The following DAB1 variants were observed in gnomAD, a reference collection of about 807,000 sequenced individuals.
DAB1 encodes disabled homolog 1.
A neutral mutation model predicts 64.6 loss-of-function variants in DAB1; 15 were observed. The ratio of observed to expected loss-of-function variants is 0.23; its 90% confidence interval spans 0.16 to 0.36. DAB1 has a LOEUF of 0.36. Ranked by LOEUF, DAB1 falls within the 10% of genes least tolerant of loss-of-function variation. The probability of loss-of-function intolerance (pLI) is 1.00; values close to 1 mark genes in which losing one functional copy is unlikely to be tolerated. For missense variants in DAB1, 596 were observed against 706.7 expected (o/e 0.84, Z 1.78); for synonymous variants, 235 against 251.9 (o/e 0.93, Z 0.64).
chr1:57,943,117 G>T (rs950455680), intron 5 of DAB1, among the ~76,000 whole-genome samples: 1 of 152,056 alleles, frequency 6.6e-6, no homozygotes, highest in African/African-American at 2.4e-5. Flanking sequence ...CTAATAAAAG[G>T]CTCATTAGGG....
In DAB1 at chr1:57,150,141, T is replaced by A. The variant is rs566304564; in HGVS notation, c.68-4712A>T. Reference sequence around the variant, plus strand: ...TTGTATAATCGTTGGTAAGTTCCTTTACATGTCTGCCACAGTGTCCTAAGC... The same window carrying A: ...TTGTATAATCGTTGGTAAGTTCCTTAACATGTCTGCCACAGTGTCCTAAGC... On this transcript the variant is annotated intron_variant, in intron 2 of 14. Transcript: ENST00000371236. 7.9e-5 allele frequency among the ~76,000 whole-genome samples: 12 copies of A among 152,284 alleles called. No individual in the cohort carries two copies. In the South Asian group the frequency reaches 2.5e-3, roughly 32 times the overall value.
At chr1:57,008,794 G>T (rs1368673119) in intron 14 of DAB1, among the ~76,000 whole-genome samples, 1 of 152,114 alleles carries the variant, frequency 6.6e-6, no homozygotes, top group African/African-American at 2.4e-5. Flanking sequence ...GAGAATATAA[G>T]CCCCTTCTAG....
chr1:57,781,494 T>C (rs1650095942), intron 6 of DAB1, among the ~76,000 whole-genome samples: 1 of 151,994 alleles, frequency 6.6e-6, no homozygotes, highest in Non-Finnish European at 1.5e-5. Context: ...CTTTACCTAC[T>C]TAATCTCTTA....
At chr1:57,469,681 A>G (rs1687074534) in intron 7 of DAB1, among the ~76,000 whole-genome samples, 1 of 152,128 alleles carries the variant, frequency 6.6e-6, no homozygotes, top group Admixed American at 6.6e-5. Context: ...CATTTGAACC[A>G]CCTAGATTGA....
intron 7 of DAB1, among the ~76,000 whole-genome samples, chr1:57,564,016 A>G (rs1430592127): frequency 6.6e-6 from 1 of 152,198 alleles, no homozygotes; most frequent in Non-Finnish European, 1.5e-5. Context: ...ACCCCTGAGT[A>G]GCCAAACTGG....
Position 58,105,151 on chromosome 1 carries a change from A to C in DAB1, n.387+45360T>G, listed in dbSNP as rs907341798. ...ACTCCCATGTGAGATCAAGCCCTGC[A>C]AAAGATGGCTGCTGAAGAAGGCAGA... On this transcript the variant is annotated intron_variant and non_coding_transcript_variant, in intron 5 of 20. Transcript: ENST00000485760. Among the ~76,000 whole-genome samples, 6 of 152,374 alleles carry C rather than the reference A, an allele frequency of 3.9e-5. No individual in the cohort carries two copies. In the East Asian group the frequency reaches 9.6e-4, roughly 24 times the overall value.
intron 6 of DAB1, among the ~76,000 whole-genome samples, chr1:57,731,859 C>G (rs1647442613): frequency 6.6e-6 from 1 of 151,974 alleles, no homozygotes; most frequent in South Asian, 2.1e-4. Flanking sequence ...ACACTCCTTA[C>G]AGTTTCTTTC....
At chr1:58,043,670 A>T (rs765437140) in intron 5 of DAB1, among the ~76,000 whole-genome samples, 1 of 152,210 alleles carries the variant, frequency 6.6e-6, no homozygotes, top group African/African-American at 2.4e-5. Context: ...ATAAAATGAG[A>T]TCACTATTGT....
chr1:57,886,528 C>A (rs1271398087), upstream of DAB1, among the ~76,000 whole-genome samples: 2 of 152,192 alleles, frequency 1.3e-5, no homozygotes, highest in Non-Finnish European at 2.9e-5. Context: ...GTACCAGGCA[C>A]TGTTCTAAGC....
At chr1:58,327,723 G>A (rs1662867333) in intron 4 of DAB1, among the ~76,000 whole-genome samples, 1 of 152,152 alleles carries the variant, frequency 6.6e-6, no homozygotes, top group Non-Finnish European at 1.5e-5. Context: ...AGGATTGGGA[G>A]GCTGAGGCAA....
chr1:58,217,102 A>T (rs970660107), intron 4 of DAB1, among the ~76,000 whole-genome samples: 4 of 152,248 alleles, frequency 2.6e-5, no homozygotes, highest in Admixed American at 1.3e-4. Context: ...AATAATTAGT[A>T]TAAGCATCTT....
intron 9 of DAB1, among the ~76,000 whole-genome samples, chr1:57,059,082 G>A (rs929364340): frequency 6.6e-6 from 1 of 152,186 alleles, no homozygotes; most frequent in Non-Finnish European, 1.5e-5. Flanking sequence ...CCAATCCCTG[G>A]CTCAGTGAGG....
chr1:57,405,169 T>C (rs1234038093), intron 1 of DAB1, among the ~76,000 whole-genome samples: 3 of 152,130 alleles, frequency 2.0e-5, no homozygotes, highest in African/African-American at 7.2e-5. Context: ...GCTATAGACT[T>C]AGACAGATAC....
intron 6 of DAB1, among the ~76,000 whole-genome samples, chr1:57,685,604 T>A (rs1297443233): frequency 6.6e-6 from 1 of 152,118 alleles, no homozygotes; most frequent in Non-Finnish European, 1.5e-5. Flanking sequence ...CCAAAGAATA[T>A]ACATTCTTCT....
intron 5 of DAB1, among the ~76,000 whole-genome samples, chr1:58,080,906 A>C (rs1335980622): frequency 6.6e-6 from 1 of 152,252 alleles, no homozygotes; most frequent in Non-Finnish European, 1.5e-5. Flanking sequence ...CATTATCTGC[A>C]GTCCTGCTTA....
At chr1:57,134,075 T>G (rs1266126227) in intron 4 of DAB1, among the ~76,000 whole-genome samples, 1 of 152,188 alleles carries the variant, frequency 6.6e-6, no homozygotes, top group Non-Finnish European at 1.5e-5. Flanking sequence ...TTGACTTTCT[T>G]CAACAATATC....
intron 4 of DAB1, among the ~76,000 whole-genome samples, chr1:57,120,968 C>T (rs1303119791): frequency 6.6e-6 from 1 of 151,970 alleles, no homozygotes; most frequent in Middle Eastern, 3.2e-3. Flanking sequence ...GTTTGTCAAT[C>T]AGGGAAGAAT....
chr1:57,326,263 A>G lies in DAB1; in HGVS notation c.-136-35097T>C, dbSNP rs140859175. On this transcript the variant is annotated intron_variant, in intron 1 of 14. Coordinates refer to ENST00000371236, the MANE Select transcript of DAB1 (RefSeq NM_001365792.1). ...CTGGAAATGCACTTAGAAACATTCA[A>G]CCTTTGGATCAGATGAAATGCTCAT... Among the ~76,000 whole-genome samples, 90 of 152,330 alleles carry G rather than the reference A, an allele frequency of 5.9e-4. 4 individuals carry two copies. The East Asian group carries it at 0.015, about 26-fold the overall frequency.
intron 3 of DAB1, among the ~76,000 whole-genome samples, chr1:58,373,583 T>G (rs1644292509): frequency 6.6e-6 from 1 of 151,856 alleles, no homozygotes; most frequent in Non-Finnish European, 1.5e-5. Context: ...TGTTGGACAT[T>G]TGGGTTGGTT....
Sources: allele counts gnomAD v4.1 joint callset (sites outside exome capture counted in the v4.1 genomes callset), GRCh38; gene constraint gnomAD v4.1.1; transcripts MANE v1.5; gene names NCBI Gene and HGNC (gene_info 2026-07-23, HGNC 2026-07-21).